The following DRD3 variants were observed in gnomAD, a reference collection of about 807,000 sequenced individuals.
The protein encoded by DRD3 is D(3) dopamine receptor.
Under a neutral mutation model 36.3 loss-of-function variants are expected in DRD3, and 19 were observed. The observed-to-expected ratio is 0.52, with a 90% confidence interval of 0.36 to 0.77. The LOEUF is 0.77. Among genes scored for constraint, DRD3 ranks in the 30% least tolerant of loss-of-function variants. DRD3 has a pLI of 0.00. For missense variants in DRD3, 465 were observed against 505.3 expected (o/e 0.92, Z 0.77); for synonymous variants, 195 against 203.7 (o/e 0.96, Z 0.36).
chr3:114,137,993 G>C (rs1315244573), intron 5 of DRD3, among the ~76,000 whole-genome samples: 1 of 70,444 alleles, frequency 1.4e-5, no homozygotes, highest in Non-Finnish European at 2.5e-5. Context: ...GCGAGACTCC[G>C]TCTCAAAAAA....
At chr3:114,190,486 T>C (rs1237957552) in intron 1 of DRD3, among the ~76,000 whole-genome samples, 9 of 73,742 alleles carry the variant, frequency 1.2e-4, no homozygotes, top group African/African-American at 4.4e-4. Context: ...TTTTTTTTTT[T>C]TTTTTTTTTT....
At chr3:114,177,274 C>CT (rs1374078058) in intron 1 of DRD3, among the ~76,000 whole-genome samples, 1 of 152,116 alleles carries the variant, frequency 6.6e-6, no homozygotes, top group Non-Finnish European at 1.5e-5. Flanking sequence ...AAATTGCTGC[C>CT]TATTTTCCTG....
chr3:114,156,772 TTTCTTTCTTTCTTTCTTTC>T (rs1397022183), intron 3 of DRD3, among the ~76,000 whole-genome samples: 3 of 116,938 alleles, frequency 2.6e-5, no homozygotes, highest in African/African-American at 9.6e-5. Context: ...TCTTTCTTTC[TTTCTTTCTTTCTTTCTTTC>T]TTTCTTTCTC....
At chr3:114,138,392 G>A (rs959846494) in intron 5 of DRD3, among the ~76,000 whole-genome samples, 1 of 152,114 alleles carries the variant, frequency 6.6e-6, no homozygotes, top group African/African-American at 2.4e-5. Flanking sequence ...TGGCTGGGGA[G>A]GCCTCACAAT....
chr3:114,148,896 A>G (rs1401029282), intron 3 of DRD3, among the ~76,000 whole-genome samples: 1 of 152,062 alleles, frequency 6.6e-6, no homozygotes, highest in Admixed American at 6.6e-5. Context: ...GTATTTTAGC[A>G]GAGATGGGGT....
chr3:114,143,901 A>T (rs544483807), intron 4 of DRD3, among the ~76,000 whole-genome samples: 1 of 152,382 alleles, frequency 6.6e-6, no homozygotes. Context: ...TTTTAAAAAT[A>T]ACACAATAGC....
At chr3:114,191,940 G>T (rs1053551124) in intron 1 of DRD3, among the ~76,000 whole-genome samples, 3 of 152,176 alleles carry the variant, frequency 2.0e-5, no homozygotes, top group Non-Finnish European at 4.4e-5. Context: ...GACAGCAAAG[G>T]CTATTTATTT....
At chr3:114,154,383 G>A (rs1045010071) in intron 3 of DRD3, among the ~76,000 whole-genome samples, 1 of 151,956 alleles carries the variant, frequency 6.6e-6, no homozygotes, top group Non-Finnish European at 1.5e-5. Context: ...TGCTCTTTAG[G>A]AAGCTAGCAG....
At chr3:114,140,320 T>A (rs1480462396) in intron 4 of DRD3, among the ~76,000 whole-genome samples, 1 of 152,180 alleles carries the variant, frequency 6.6e-6, no homozygotes, top group Non-Finnish European at 1.5e-5. Flanking sequence ...GTAATGATAT[T>A]GTGACATGGA....
chr3:114,160,439 C>T lies in DRD3; in HGVS notation c.271-572G>A, dbSNP rs1318274135. Among the ~76,000 whole-genome samples the T allele has an allele frequency of 2.0e-5, 3 of 152,056 alleles. No individual in the cohort carries two copies. In the East Asian group the frequency reaches 5.8e-4, roughly 29 times the overall value. On this transcript the variant is annotated intron_variant, in intron 2 of 6. Coordinates refer to ENST00000383673, the MANE Select transcript of DRD3 (RefSeq NM_000796.6). The stretch of plus-strand genomic sequence containing the variant: ...AATCTTCATTTTTAAATAAACACTC[C>T]TATACATACCAAGGTTTGAGAATCA...
chr3:114,170,028 C>T (rs1423414278), intron 2 of DRD3, among the ~76,000 whole-genome samples: 1 of 152,220 alleles, frequency 6.6e-6, no homozygotes, highest in Non-Finnish European at 1.5e-5. Context: ...TTCCTTGGAA[C>T]ACATAGAAAT....
intron 3 of DRD3, among the ~76,000 whole-genome samples, chr3:114,159,079 G>C (rs577824213): frequency 6.6e-6 from 1 of 152,194 alleles, no homozygotes; most frequent in East Asian, 1.9e-4. Context: ...GAGCAAGGGT[G>C]GTGAGTCCAG....
chr3:114,170,293 A>G (rs751292138), intron 2 of DRD3, among the ~76,000 whole-genome samples: 1 of 152,230 alleles, frequency 6.6e-6, no homozygotes, highest in Non-Finnish European at 1.5e-5. Context: ...TGCATACATT[A>G]CAGAGAAGAT....
chr3:114,140,100 G>A (rs2077512120), intron 4 of DRD3, among the ~76,000 whole-genome samples: 2 of 152,232 alleles, frequency 1.3e-5, no homozygotes, highest in Non-Finnish European at 2.9e-5. Flanking sequence ...GCTCCCAGGA[G>A]GGATGCAGCC....
At chr3:114,163,812 C>T (rs2077755737) in intron 2 of DRD3, among the ~76,000 whole-genome samples, 1 of 151,958 alleles carries the variant, frequency 6.6e-6, no homozygotes, top group Non-Finnish European at 1.5e-5. Flanking sequence ...GAACTGAGGG[C>T]CCGGGAGATA....
At chr3:114,180,148 G>A (rs1193152075), upstream of DRD3, among the ~76,000 whole-genome samples, 1 of 151,880 alleles carries the variant, frequency 6.6e-6, no homozygotes, top group Non-Finnish European at 1.5e-5. Context: ...CTGATAATAT[G>A]TCAGAGAGAA....
chr3:114,195,500 C>T (rs955355350), intron 1 of DRD3, among the ~76,000 whole-genome samples: 1 of 152,026 alleles, frequency 6.6e-6, no homozygotes, highest in Non-Finnish European at 1.5e-5. Flanking sequence ...TTCCATTATT[C>T]ACAATTTAGC....
intron 4 of DRD3, among the ~76,000 whole-genome samples, chr3:114,144,568 TA>T (rs2077554463): frequency 1.3e-5 from 2 of 152,212 alleles, no homozygotes; most frequent in South Asian, 4.1e-4. Flanking sequence ...CTTCACTTAC[TA>T]AATCCCCTAA....
intron 5 of DRD3, among the ~76,000 whole-genome samples, chr3:114,135,973 G>T (rs930299858): frequency 2.0e-5 from 3 of 152,150 alleles, no homozygotes; most frequent in African/African-American, 7.2e-5. Flanking sequence ...TTACAGGCGT[G>T]AGCCACCACA....
Sources: allele counts gnomAD v4.1 joint callset (sites outside exome capture counted in the v4.1 genomes callset), GRCh38; gene constraint gnomAD v4.1.1; transcripts MANE v1.5; gene names NCBI Gene and HGNC (gene_info 2026-07-23, HGNC 2026-07-21).